The following BRAF variants were observed in gnomAD, a reference collection of about 807,000 sequenced individuals.
BRAF encodes serine/threonine-protein kinase B-raf.
Under a neutral mutation model 104.6 loss-of-function variants are expected in BRAF, and 16 were observed. That is an observed-to-expected ratio of 0.15 (90% CI 0.10 to 0.23). The LOEUF (loss-of-function observed/expected upper bound fraction) is 0.23, where lower values mean the gene tolerates loss of function less well. Among genes scored for constraint, BRAF ranks in the 10% least tolerant of loss-of-function variants. The pLI is 1.00. For synonymous variants in BRAF, 310 were observed against 341.6 expected, an observed-to-expected ratio of 0.91 and a Z score of 1.02; for missense variants, 541 against 937.3, an observed-to-expected ratio of 0.58 and a Z score of 5.52.
intron 1 of BRAF, among the ~76,000 whole-genome samples, chr7:140,853,290 T>C (rs1047292532): frequency 1.9e-4 from 29 of 151,434 alleles, no homozygotes; most frequent in African/African-American, 5.8e-4. Context: ...GGTGGGAGGA[T>C]TGCTTGAGCC....
chr7:140,894,339 T>A (rs1814627836), intron 1 of BRAF, among the ~76,000 whole-genome samples: 1 of 152,114 alleles, frequency 6.6e-6, no homozygotes, highest in East Asian at 1.9e-4. Flanking sequence ...AAAACAGAAT[T>A]AGAAATCAAG....
intron 3 of BRAF, among the ~76,000 whole-genome samples, chr7:140,812,193 TGA>T (rs1356920829): frequency 6.7e-6 from 1 of 149,866 alleles, no homozygotes; most frequent in Non-Finnish European, 1.5e-5. Flanking sequence ...TGTGTGTGTG[TGA>T]GGGTGGGAGG....
chr7:140,828,453 A>T (rs888901122), intron 3 of BRAF, among the ~76,000 whole-genome samples: 2 of 152,164 alleles, frequency 1.3e-5, no homozygotes, highest in African/African-American at 4.8e-5. Context: ...TTAAATAAAC[A>T]TATTTTATTC....
intron 1 of BRAF, among the ~76,000 whole-genome samples, chr7:140,909,110 A>G (rs1259551949): frequency 6.6e-6 from 1 of 151,820 alleles, no homozygotes; most frequent in Non-Finnish European, 1.5e-5. Flanking sequence ...ACTATTTTGT[A>G]CATTCTCTAT....
chr7:140,841,511 G>A (rs1807965753), intron 2 of BRAF, among the ~76,000 whole-genome samples: 1 of 152,076 alleles, frequency 6.6e-6, no homozygotes, highest in African/African-American at 2.4e-5. Context: ...GTTGATGAAT[G>A]GATAAACAAA....
At chr7:140,774,208 G>T (rs1356537693) in intron 14 of BRAF, among the ~76,000 whole-genome samples, 1 of 152,110 alleles carries the variant, frequency 6.6e-6, no homozygotes, top group East Asian at 1.9e-4. Context: ...TACTTTTTCA[G>T]TTACTAAAAT....
rs370332827 is a variant in BRAF at position 140,734,786 on chromosome 7, G to GAAAAAAAAAAAAAAAAA, written c.2248-17_2248-16insTTTTTTTTTTTTTTTTT. ...AGGCGAGAATCTACAAAAAAAAAAA[G>GAAAAAAAAAAAAAAAAA]AAAAAAAAAAGAAAAAAAAAGAAAA... On this transcript the variant is annotated splice_polypyrimidine_tract_variant and intron_variant, in intron 18 of 19. Coordinates refer to ENST00000644969, the MANE Select transcript of BRAF (RefSeq NM_001374258.1). 8 of 823,160 alleles carry GAAAAAAAAAAAAAAAAA rather than the reference G, an allele frequency of 9.7e-6. No homozygotes were observed. The highest frequency in any genetic ancestry group is 6.6e-5 in the Admixed American group (1 of 15,052). 51.0% of individuals were successfully genotyped at this position (823,160 alleles called of 1,614,324 possible).
intron 14 of BRAF, among the ~76,000 whole-genome samples, chr7:140,771,052 T>G (rs1799799942): frequency 6.6e-6 from 1 of 152,078 alleles, no homozygotes; most frequent in Non-Finnish European, 1.5e-5. Context: ...CAAGTAAACC[T>G]AGGAATCAGA....
intron 1 of BRAF, among the ~76,000 whole-genome samples, chr7:140,904,858 C>G (rs766695851): frequency 6.6e-6 from 1 of 152,156 alleles, no homozygotes; most frequent in Admixed American, 6.5e-5. Flanking sequence ...CCGCCTGCCT[C>G]GGCCTCCCAA....
At chr7:140,874,243 C>T (rs1026430733) in intron 1 of BRAF, among the ~76,000 whole-genome samples, 1 of 149,264 alleles carries the variant, frequency 6.7e-6, no homozygotes, top group African/African-American at 2.5e-5. Context: ...CTCACTGTCG[C>T]CAGACTGGAG....
chr7:140,781,723 A>G (rs996616981), intron 11 of BRAF, 30 bp from the exon 11 acceptor site: 2 of 1,572,436 alleles, frequency 1.3e-6, no homozygotes, highest in Non-Finnish European at 1.8e-6. Flanking sequence ...AAGTCAAGTC[A>G]AGCCAAACAG....
the BRAF span, among the ~76,000 whole-genome samples, chr7:140,713,459 C>A: frequency 6.6e-6 from 1 of 152,180 alleles, no homozygotes; most frequent in Admixed American, 6.5e-5. Flanking sequence ...TTTTCAGCTC[C>A]ATCAGGTCCT....
chr7:140,909,643 G>A (rs1175742344), intron 1 of BRAF, among the ~76,000 whole-genome samples: 3 of 152,020 alleles, frequency 2.0e-5, no homozygotes, highest in Admixed American at 2.0e-4. Context: ...CTAAAGGGGT[G>A]GAGTACTCCT....
intron 19 of BRAF, among the ~76,000 whole-genome samples, chr7:140,728,215 T>C (rs1423155911): frequency 6.6e-6 from 1 of 152,164 alleles, no homozygotes; most frequent in Non-Finnish European, 1.5e-5. Flanking sequence ...GCAGATGCTA[T>C]CATCTATATT....
chr7:140,756,585 C>T (rs1166780250), intron 14 of BRAF, among the ~76,000 whole-genome samples: 2 of 151,846 alleles, frequency 1.3e-5, no homozygotes, highest in African/African-American at 4.8e-5. Context: ...AAATAACTCA[C>T]ATAACTGTTT....
At chr7:140,907,314 T>A (rs567431053) in intron 1 of BRAF, among the ~76,000 whole-genome samples, 5 of 152,242 alleles carry the variant, frequency 3.3e-5, no homozygotes, top group African/African-American at 1.2e-4. Context: ...CAGGCTGGAG[T>A]GCAGTGGTGC....
At chr7:140,863,675 T>A (rs1810643533) in intron 1 of BRAF, among the ~76,000 whole-genome samples, 1 of 152,198 alleles carries the variant, frequency 6.6e-6, no homozygotes, top group Admixed American at 6.5e-5. Context: ...ATCCTCTTGA[T>A]GCTGTCCTTT....
In BRAF at chr7:140,726,432, T is replaced by G; in HGVS notation, c.*62A>C. 1 of 1,532,018 alleles carries G rather than the reference T, an allele frequency of 6.5e-7. No homozygotes were observed. Among genetic ancestry groups the G allele is most frequent in the Non-Finnish European group, 8.7e-7 (1 of 1,145,942 alleles). The allele number at this position is 1,532,018 out of a possible 1,614,324, so 94.9% of individuals were successfully genotyped here. ...TTTGAGGAACAGAACTGTGTTTTGA[T>G]GTTAACAAATTGTACGAACACAAGA... On this transcript the variant is annotated 3_prime_UTR_variant, in exon 20 of 20. Coordinates refer to ENST00000644969, the MANE Select transcript of BRAF (RefSeq NM_001374258.1).
intron 14 of BRAF, among the ~76,000 whole-genome samples, chr7:140,763,214 G>A (rs1340654451): frequency 2.0e-5 from 3 of 151,852 alleles, no homozygotes; most frequent in Non-Finnish European, 4.4e-5. Flanking sequence ...CCTCCCGGAC[G>A]AGGCGGCTGG....
Sources: gnomAD v4.1 joint callset for allele counts (sites outside exome capture counted in the v4.1 genomes callset) on GRCh38, gnomAD v4.1.1 for gene constraint, MANE v1.5 for transcripts, NCBI Gene and HGNC (gene_info 2026-07-23, HGNC 2026-07-21) for gene names.